The following EML1 variants were observed in gnomAD, a reference collection of about 807,000 sequenced individuals.
EML1 encodes echinoderm microtubule-associated protein-like 1.
EML1 carries 27 observed loss-of-function variants against 110.4 expected under a neutral mutation model. The observed-to-expected ratio is 0.24, with a 90% CI of 0.18 to 0.34. EML1 has a LOEUF of 0.34. EML1 is among the 10% of genes least tolerant of loss of function. The pLI, the probability that EML1 is intolerant of heterozygous loss-of-function variation, is 1.00. For synonymous variants in EML1, 344 were observed against 385.8 expected, an observed-to-expected ratio of 0.89 and a Z score of 1.27; for missense variants, 741 against 1,030.9, an observed-to-expected ratio of 0.72 and a Z score of 3.85.
chr14:99,817,111 A>G (rs1260318048), intron 1 of EML1, among the ~76,000 whole-genome samples: 2 of 151,952 alleles, frequency 1.3e-5, no homozygotes, highest in African/African-American at 4.8e-5. Context: ...TTTTTTCTGG[A>G]AAGCTCAAAT....
intron 1 of EML1, among the ~76,000 whole-genome samples, chr14:99,750,311 G>C (rs754168130): frequency 2.0e-5 from 3 of 152,218 alleles, no homozygotes; most frequent in African/African-American, 4.8e-5. Flanking sequence ...GGTCAGATGC[G>C]ATGAGGACTC....
intron 6 of EML1, among the ~76,000 whole-genome samples, chr14:99,895,765 T>TTAA (rs5810969): frequency 1.4e-5 from 2 of 147,820 alleles, no homozygotes; most frequent in African/African-American, 5.0e-5. Flanking sequence ...CATCCTACTT[T>TTAA]AAAAAAAAAA....
At chr14:99,838,637 T>C (rs1041903674) in intron 1 of EML1, among the ~76,000 whole-genome samples, 28 of 152,178 alleles carry the variant, frequency 1.8e-4, no homozygotes, top group African/African-American at 4.8e-4. Context: ...TAGTTTTTTT[T>C]TTTCTTTCTC....
intron 3 of EML1, among the ~76,000 whole-genome samples, chr14:99,873,386 G>A (rs143332046): frequency 2.6e-5 from 4 of 152,238 alleles, no homozygotes; most frequent in African/African-American, 9.6e-5. Flanking sequence ...ACTGAAGCCA[G>A]TGCTGGGTAC....
At chr14:99,812,569 C>T (rs1327956169) in intron 1 of EML1, among the ~76,000 whole-genome samples, 1 of 149,506 alleles carries the variant, frequency 6.7e-6, no homozygotes, top group Non-Finnish European at 1.5e-5. Context: ...CACGGCCCTC[C>T]CTGTACAATC....
At chr14:99,753,626 C>T (rs550535356) in intron 1 of EML1, among the ~76,000 whole-genome samples, 6 of 152,210 alleles carry the variant, frequency 3.9e-5, no homozygotes, top group East Asian at 3.9e-4. Flanking sequence ...TCGTGAGGTC[C>T]GTGTCTGCGT....
chr14:99,770,968 TA>T (rs1467182252), upstream of EML1, among the ~76,000 whole-genome samples: 4 of 151,898 alleles, frequency 2.6e-5, no homozygotes, highest in Admixed American at 6.6e-5. Flanking sequence ...GTATTTTTAG[TA>T]GAGATGGGGT....
chr14:99,782,258 C>T (rs1306497088), intron 1 of EML1, among the ~76,000 whole-genome samples: 1 of 152,126 alleles, frequency 6.6e-6, no homozygotes, highest in East Asian at 1.9e-4. Flanking sequence ...GGTTTAAATC[C>T]CAGCTCTACC....
At chr14:99,926,284 G>GT (rs11407717) in intron 17 of EML1, among the ~76,000 whole-genome samples, 53,851 of 149,150 alleles carry the variant, frequency 0.36, 9,729 homozygotes, top group Admixed American at 0.42. Context: ...GTTTTTTGGG[G>GT]TTTTTTTTTT....
intron 3 of EML1, among the ~76,000 whole-genome samples, chr14:99,877,532 C>T (rs1461494340): frequency 1.3e-5 from 2 of 152,140 alleles, no homozygotes; most frequent in South Asian, 2.1e-4. Flanking sequence ...CCCGGAATTT[C>T]GCAGTCTTTG....
intron 3 of EML1, among the ~76,000 whole-genome samples, chr14:99,872,737 CAGAA>C (rs1223604780): frequency 6.6e-6 from 1 of 152,104 alleles, no homozygotes; most frequent in Admixed American, 6.5e-5. Context: ...ATTTTGAAAA[CAGAA>C]AGAAGCAGGC....
At chr14:99,809,564 G>A in intron 1 of EML1, 1 of 447,016 alleles carries the variant, frequency 2.2e-6, no homozygotes, top group Non-Finnish European at 4.5e-6. Context: ...AGCTTTCTGG[G>A]TCCATCCCAG....
At chr14:99,777,711 C>A (rs916039266) in intron 1 of EML1, among the ~76,000 whole-genome samples, 1 of 152,230 alleles carries the variant, frequency 6.6e-6, no homozygotes. Flanking sequence ...TGAGCCACCA[C>A]GCCCGCTGCC....
chr14:99,935,510 C>T (rs958077739), intron 17 of EML1, among the ~76,000 whole-genome samples: 2 of 150,558 alleles, frequency 1.3e-5, no homozygotes, highest in African/African-American at 2.4e-5. Flanking sequence ...AATCGCTGGA[C>T]GCAGTGGCTC....
intron 19 of EML1, among the ~76,000 whole-genome samples, chr14:99,937,216 A>G (rs2060490885): frequency 1.3e-5 from 2 of 152,182 alleles, no homozygotes; most frequent in Admixed American, 1.3e-4. Context: ...AGCTCGCTCC[A>G]GTGCGGAGGG....
chr14:99,887,159 G>T (rs190233420), intron 4 of EML1, among the ~76,000 whole-genome samples: 12 of 152,284 alleles, frequency 7.9e-5, no homozygotes, highest in Admixed American at 5.2e-4. Context: ...TGCTGGTCTG[G>T]TGAAGATTCA....
At chr14:99,876,116 G>A (rs1222225233) in intron 3 of EML1, among the ~76,000 whole-genome samples, 1 of 147,272 alleles carries the variant, frequency 6.8e-6, no homozygotes, top group East Asian at 1.9e-4. Flanking sequence ...GTTGAGCTAA[G>A]GAGGGTGTAT....
chr14:99,752,667 C>T lies in EML1; in HGVS notation c.28+14807C>T, dbSNP rs151261545. On this transcript the variant is annotated intron_variant, in intron 1 of 10. Coordinates refer to the EML1 transcript ENST00000554479. ...GACTCAGCTGCCGCCACGGGGCCTC[C>T]AGACCCTGACCCTTGGTAGCTGGTA... 2.5e-4 allele frequency among the ~76,000 whole-genome samples: 38 copies of T among 152,286 alleles called. 2 individuals carry two copies. Among genetic ancestry groups the T allele is most frequent in the African/African-American group, 8.9e-4 (37 of 41,548 alleles).
chr14:99,799,936 T>TC (rs2057844003), intron 1 of EML1, among the ~76,000 whole-genome samples: 1 of 152,218 alleles, frequency 6.6e-6, no homozygotes, highest in Non-Finnish European at 1.5e-5. Flanking sequence ...AGACAGTCTC[T>TC]CCAAGGACTT....
Sources: allele counts gnomAD v4.1 joint callset (sites outside exome capture counted in the v4.1 genomes callset), GRCh38; gene constraint gnomAD v4.1.1; transcripts MANE v1.5; gene names NCBI Gene and HGNC (gene_info 2026-07-23, HGNC 2026-07-21).